GPC5: variants seen among roughly 807,000 people sequenced by gnomAD.
GPC5 encodes the protein glypican-5.
Under a neutral mutation model 53.9 loss-of-function variants are expected in GPC5, and 47 were observed. The ratio of observed to expected loss-of-function variants is 0.87; its 90% confidence interval spans 0.69 to 1.11. GPC5 has a LOEUF of 1.11. Ranked by LOEUF, GPC5 falls within the 50% of genes most tolerant of loss-of-function variation. The probability of loss-of-function intolerance (pLI) is 0.00; values close to 1 mark genes in which losing one functional copy is unlikely to be tolerated. For missense variants in GPC5, 748 were observed against 713.1 expected (o/e 1.05, Z -0.56); for synonymous variants, 286 against 263.3 (o/e 1.09, Z -0.84).
chr13:92,736,637 C>G (rs1888942801), intron 7 of GPC5, among the ~76,000 whole-genome samples: 1 of 151,972 alleles, frequency 6.6e-6, no homozygotes, highest in Non-Finnish European at 1.5e-5. Flanking sequence ...GGAGAGCTCC[C>G]TCATGTTATC....
chr13:92,323,789 T>C (rs1161270998), intron 7 of GPC5, among the ~76,000 whole-genome samples: 1 of 151,922 alleles, frequency 6.6e-6, no homozygotes, highest in Non-Finnish European at 1.5e-5. Flanking sequence ...ATTTCTCATA[T>C]ACAAAATGTA....
At chr13:92,523,098 C>T (rs116019123) in intron 7 of GPC5, among the ~76,000 whole-genome samples, 188 of 152,112 alleles carry the variant, frequency 1.2e-3, no homozygotes, top group African/African-American at 4.2e-3. Context: ...ATACAGTTAA[C>T]GTAATTAAAA....
intron 7 of GPC5, among the ~76,000 whole-genome samples, chr13:92,218,746 T>C (rs1386286221): frequency 6.6e-6 from 1 of 152,190 alleles, no homozygotes; most frequent in East Asian, 1.9e-4. Flanking sequence ...AGCCCAGTAG[T>C]GTGATTCACA....
At chr13:92,361,856 C>T (rs2043570151) in intron 7 of GPC5, among the ~76,000 whole-genome samples, 1 of 151,590 alleles carries the variant, frequency 6.6e-6, no homozygotes, top group South Asian at 2.1e-4. Context: ...CAGTGTTCTG[C>T]TTGGTGTTTC....
In GPC5 at chr13:92,794,226, G is replaced by A. The variant is rs142298837; in HGVS notation, c.1562-72056G>A. On this transcript the variant is annotated intron_variant, in intron 7 of 7. Transcript: ENST00000377067. ...CATCCCTGGGATGCAAGGTTGGTTC[G>A]ACATACGTGAATCAATAAACGTAAT... 2.4e-4 allele frequency among the ~76,000 whole-genome samples: 36 copies of A among 151,994 alleles called. 3 individuals carry two copies. In the East Asian group the frequency reaches 6.2e-3, roughly 26 times the overall value.
intron 7 of GPC5, among the ~76,000 whole-genome samples, chr13:92,179,157 C>T (rs976343103): frequency 2.6e-5 from 4 of 151,968 alleles, no homozygotes; most frequent in African/African-American, 4.8e-5. Flanking sequence ...TAAGTAAAAA[C>T]GAACTGACAT....
chr13:92,200,974 GAC>G (rs66619017), intron 7 of GPC5, among the ~76,000 whole-genome samples: 1,752 of 146,882 alleles, frequency 0.012, 16 homozygotes, highest in East Asian at 0.037. Flanking sequence ...CAGGCACTCA[GAC>G]ACACACACAC....
At chr13:92,698,630 G>A (rs187745612) in intron 7 of GPC5, among the ~76,000 whole-genome samples, 59 of 152,244 alleles carry the variant, frequency 3.9e-4, no homozygotes, top group Admixed American at 1.3e-3. Context: ...AAACATATGT[G>A]TGCATGTGTC....
At chr13:91,701,432 A>G (rs2035989312) in intron 3 of GPC5, among the ~76,000 whole-genome samples, 1 of 152,138 alleles carries the variant, frequency 6.6e-6, no homozygotes, top group Non-Finnish European at 1.5e-5. Context: ...AATGAGATTC[A>G]TACAACATTT....
chr13:92,060,750 G>A (rs2041116253), intron 6 of GPC5, among the ~76,000 whole-genome samples: 1 of 148,882 alleles, frequency 6.7e-6, no homozygotes, highest in African/African-American at 2.5e-5. Flanking sequence ...TACAATGCTT[G>A]TCAAATTGCT....
At chr13:91,565,367 T>C (rs919540534) in intron 2 of GPC5, among the ~76,000 whole-genome samples, 4 of 152,222 alleles carry the variant, frequency 2.6e-5, no homozygotes, top group African/African-American at 9.6e-5. Flanking sequence ...ATTTGGAGTT[T>C]ATACTGCTTA....
At chr13:92,654,457 G>C (rs1886060097) in intron 7 of GPC5, among the ~76,000 whole-genome samples, 1 of 152,044 alleles carries the variant, frequency 6.6e-6, no homozygotes, top group Non-Finnish European at 1.5e-5. Flanking sequence ...TTAAGGAAAG[G>C]CTTAACTAGG....
At chr13:92,022,520 A>C (rs77910765) in intron 6 of GPC5, among the ~76,000 whole-genome samples, 3,335 of 152,274 alleles carry the variant, frequency 0.022, 121 homozygotes, top group African/African-American at 0.076. Flanking sequence ...ACATTGAGTC[A>C]GGTACATGGT....
chr13:92,382,234 C>T (rs557959600), intron 7 of GPC5, among the ~76,000 whole-genome samples: 1 of 151,680 alleles, frequency 6.6e-6, no homozygotes, highest in South Asian at 2.1e-4. Context: ...GGGAGGGTGG[C>T]GAGGGATAAA....
At chr13:92,545,505 A>G (rs938442137) in intron 7 of GPC5, among the ~76,000 whole-genome samples, 6 of 152,198 alleles carry the variant, frequency 3.9e-5, no homozygotes, top group Admixed American at 2.0e-4. Flanking sequence ...ACTGACTTCC[A>G]CAATGGTTGA....
chr13:91,585,137 C>T (rs1241268967), intron 2 of GPC5, among the ~76,000 whole-genome samples: 1 of 152,102 alleles, frequency 6.6e-6, no homozygotes, highest in East Asian at 1.9e-4. Flanking sequence ...AAATTAATGG[C>T]TCAAATATGA....
chr13:92,108,169 A>C (rs187813235), intron 6 of GPC5, among the ~76,000 whole-genome samples: 189 of 152,198 alleles, frequency 1.2e-3, no homozygotes, highest in African/African-American at 4.5e-3. Flanking sequence ...ATTTTCTTGA[A>C]ATTCCTTCAT....
At chr13:92,044,715 TATA>T (rs1273708178) in intron 6 of GPC5, among the ~76,000 whole-genome samples, 1 of 152,200 alleles carries the variant, frequency 6.6e-6, no homozygotes, top group Admixed American at 6.5e-5. Flanking sequence ...TAATTTGAAA[TATA>T]GTAAGATGTT....
chr13:92,430,876 C>T (rs1877054282), intron 7 of GPC5, among the ~76,000 whole-genome samples: 1 of 151,892 alleles, frequency 6.6e-6, no homozygotes, highest in African/African-American at 2.4e-5. Context: ...TAAAGCTTTA[C>T]ATTTGTTTTT....
Sources: allele counts gnomAD v4.1 joint callset (sites outside exome capture counted in the v4.1 genomes callset), GRCh38; gene constraint gnomAD v4.1.1; transcripts MANE v1.5; gene names NCBI Gene and HGNC (gene_info 2026-07-23, HGNC 2026-07-21).